RGMB: variants seen among roughly 807,000 people sequenced by gnomAD.
The protein encoded by RGMB is repulsive guidance molecule B.
In RGMB, 16 loss-of-function variants were observed where a neutral mutation model predicts 26.9. The ratio of observed to expected loss-of-function variants is 0.60; its 90% CI spans 0.40 to 0.90. The LOEUF (loss-of-function observed/expected upper bound fraction) is 0.90. Among genes scored for constraint, RGMB ranks in the 40% least tolerant of loss-of-function variants. The pLI is 0.00. For synonymous variants in RGMB, 225 were observed against 229.3 expected, an observed-to-expected ratio of 0.98 and a Z score of 0.17; for missense variants, 512 against 573.3, an observed-to-expected ratio of 0.89 and a Z score of 1.09.
rs1440576873 is a variant in RGMB, at chr5:98,795,033, T to A, written c.*1280T>A. Reference sequence around the variant, plus strand: ...GTACTCTCTCTCTCAACACCTGTAGTTGAATATGATTTGGTCAGTTGCTCG... The same window carrying A: ...GTACTCTCTCTCTCAACACCTGTAGATGAATATGATTTGGTCAGTTGCTCG... On this transcript the variant is annotated 3_prime_UTR_variant, in exon 3 of 3. Coordinates refer to ENST00000513185, the MANE Select transcript of RGMB (RefSeq NM_001366508.1). 6.6e-6 allele frequency: 1 copy of A among 152,204 alleles called. No individual in the cohort carries two copies. Among genetic ancestry groups the A allele is most frequent in the Non-Finnish European group, 1.5e-5 (1 of 68,042 alleles). The allele number at this position is 152,204 out of a possible 1,614,324, so 9.4% of individuals were successfully genotyped here.
chr5:98,791,369 C>T (rs1432400514), intron 2 of RGMB, among the ~76,000 whole-genome samples: 1 of 152,108 alleles, frequency 6.6e-6, no homozygotes, highest in African/African-American at 2.4e-5. Context: ...CTGGAAAATT[C>T]CAGTCAAGTA....
intron 2 of RGMB, among the ~76,000 whole-genome samples, chr5:98,791,088 A>G (rs143267524): frequency 8.2e-4 from 125 of 152,314 alleles, no homozygotes; most frequent in African/African-American, 2.8e-3. Context: ...TCACTCTGAA[A>G]GGTCCTATGG....
chr5:98,778,977 TC>T (rs1334163813), intron 1 of RGMB, among the ~76,000 whole-genome samples: 1 of 152,142 alleles, frequency 6.6e-6, no homozygotes. Flanking sequence ...ATTTACAGTT[TC>T]TTGGTAAACG....
chr5:98,774,390 G>A (rs1746316561), intron 1 of RGMB, among the ~76,000 whole-genome samples, 184 bp downstream of exon 1: 1 of 152,194 alleles, frequency 6.6e-6, no homozygotes, highest in Non-Finnish European at 1.5e-5. Context: ...CACCCACCGG[G>A]CGGCCGCCGG....
At chr5:98,790,111 T>A (rs182160075) in intron 2 of RGMB, among the ~76,000 whole-genome samples, 3 of 152,240 alleles carry the variant, frequency 2.0e-5, no homozygotes, top group Admixed American at 2.0e-4. Context: ...ATGTTGTAAT[T>A]GTTATGAGGA....
intron 2 of RGMB, among the ~76,000 whole-genome samples, chr5:98,789,430 T>G (rs1309492236): frequency 6.6e-6 from 1 of 152,228 alleles, no homozygotes; most frequent in African/African-American, 2.4e-5. Flanking sequence ...GGCGAGGCAG[T>G]ACCTGTGTAT....
intron 2 of RGMB, among the ~76,000 whole-genome samples, chr5:98,792,371 C>A (rs1746956733): frequency 6.6e-6 from 1 of 152,130 alleles, no homozygotes; most frequent in Non-Finnish European, 1.5e-5. Context: ...GAGCCTTTTT[C>A]TTTTCTCAGA....
rs563408298 is a variant in RGMB, at chr5:98,775,578, C to G, written c.136+1372C>G. Among the ~76,000 whole-genome samples the G allele has an allele frequency of 2.6e-5, 4 of 152,268 alleles. No individual in the cohort carries two copies. The East Asian group carries it at 5.8e-4, about 22-fold the overall frequency. On this transcript the variant is annotated intron_variant, in intron 1 of 2. Coordinates refer to ENST00000513185, the MANE Select transcript of RGMB (RefSeq NM_001366508.1). ...TAAGTTTCATGAAATGGAAATTGTG[C>G]TAGGTGGGATTGTGTCCCCCTTGGC...
chr5:98,786,896 T>C (rs929010533), intron 2 of RGMB, among the ~76,000 whole-genome samples: 2 of 152,164 alleles, frequency 1.3e-5, no homozygotes, highest in Non-Finnish European at 2.9e-5. Flanking sequence ...AACTGTTTAC[T>C]TTAAGAGTTG....
At position 98,795,682 on chromosome 5, in the gene RGMB, T is replaced by C. The variant is rs1747097931; in HGVS notation, c.*1929T>C. On this transcript the variant is annotated 3_prime_UTR_variant, in exon 3 of 3. Transcript: ENST00000513185. ...CCATCAGCTCTGAACTGTGGCTTTT[T>C]TTGTTCACCTATGATGCCATGTACC... 6.6e-6 allele frequency: 1 copy of C among 152,248 alleles called. No homozygotes were observed. Among genetic ancestry groups the C allele is most frequent in the Non-Finnish European group, 1.5e-5 (1 of 68,044 alleles). The allele number at this position is 152,248 out of a possible 1,614,324, so 9.4% of individuals were successfully genotyped here.
chr5:98,771,787 G>A (rs1313498290), upstream of RGMB: 1 of 152,130 alleles, frequency 6.6e-6, no homozygotes, highest in Non-Finnish European at 1.5e-5. Flanking sequence ...AGGATATAGG[G>A]GGAGGGGAGT....
chr5:98,793,204 C>A lies in RGMB; in HGVS notation c.765C>A (p.Ala255=), dbSNP rs1580298052. The change falls in exon 3 of 3, where the codon GCC becomes GCA. Residue 255 remains alanine, a synonymous_variant. Coordinates refer to ENST00000513185, the MANE Select transcript of RGMB (RefSeq NM_001366508.1). The part of the protein sequence containing the change: ...DGTTSGGDSD[A]KSLRIVERES... ...CCACCAGTGGTGGGGACAGCGATGC[C>A]AAGAGCCTGCGTATCGTGGAAAGGG... is the stretch of plus-strand genomic sequence containing the variant. The A allele has an allele frequency of 6.2e-7, 1 of 1,614,000 alleles. No homozygotes were observed. Among genetic ancestry groups the A allele is most frequent in the Non-Finnish European group, 8.5e-7 (1 of 1,179,888 alleles).
chr5:98,794,750 A>G lies in RGMB; in HGVS notation c.*997A>G, dbSNP rs1747061358. On this transcript the variant is annotated 3_prime_UTR_variant, in exon 3 of 3. Transcript: ENST00000513185. ...AAGCCCTCCTCAGCCTCACCTTACG[A>G]ATCCAAAGAACTGGGGTTTGTTAGG... The G allele has an allele frequency of 6.6e-6, 1 of 152,154 alleles. No homozygotes were observed. Among genetic ancestry groups the G allele is most frequent in the African/African-American group, 2.4e-5 (1 of 41,428 alleles). The allele number at this position is 152,154 out of a possible 1,614,324, so 9.4% of individuals were successfully genotyped here. A position where few individuals can be genotyped will look rare whatever the true frequency, so the allele number is the denominator to read the frequency against.
At position 98,774,336 on chromosome 5, in the gene RGMB, C is replaced by T. The variant is rs954090216; in HGVS notation, c.136+130C>T. The T allele has an allele frequency of 6.4e-5, 61 of 954,066 alleles. No homozygotes were observed. In the East Asian group the frequency reaches 1.7e-3, roughly 26 times the overall value. The allele number at this position is 954,066 out of a possible 1,614,324, so 59.1% of individuals were successfully genotyped here. ...CGCAACGGGAAAGGCCTCCCGAGCCCCTGACACGCACCTCTGTCGGGCTCC... is the reference window on the plus strand; with the variant it reads ...CGCAACGGGAAAGGCCTCCCGAGCCTCTGACACGCACCTCTGTCGGGCTCC... On this transcript the variant is annotated intron_variant, in intron 1 of 2. Coordinates refer to ENST00000513185, the MANE Select transcript of RGMB (RefSeq NM_001366508.1).
At chr5:98,778,909 GT>G (rs908889921) in intron 1 of RGMB, among the ~76,000 whole-genome samples, 24 of 145,160 alleles carry the variant, frequency 1.7e-4, no homozygotes, top group East Asian at 4.0e-4. Flanking sequence ...AGTGAATCTT[GT>G]TTTTTTTTTT....
Position 98,773,945 on chromosome 5 carries a change from G to C in RGMB, c.-126G>C. On this transcript the variant is annotated 5_prime_UTR_variant, in exon 1 of 3. Transcript: ENST00000513185. Reference sequence around the variant, plus strand: ...TGGTGGCGCCCCATCTGCTACACGGGCCTGAAGAAGGAAGAAGAGGAAGCG... The same window carrying C: ...TGGTGGCGCCCCATCTGCTACACGGCCCTGAAGAAGGAAGAAGAGGAAGCG... 1 of 616,370 alleles carries C rather than the reference G, an allele frequency of 1.6e-6. No individual in the cohort carries two copies. 38.2% of individuals were successfully genotyped at this position (616,370 alleles called of 1,614,324 possible). A position where few individuals can be genotyped will look rare whatever the true frequency, so the allele number is the denominator to read the frequency against.
chr5:98,786,064 A>T (rs942730944), intron 2 of RGMB, among the ~76,000 whole-genome samples: 2 of 152,228 alleles, frequency 1.3e-5, no homozygotes, highest in African/African-American at 4.8e-5. Flanking sequence ...ATTTTGTAAG[A>T]TAAATGAGCT....
At chr5:98,779,468 T>TATAAAATAGA in intron 1 of RGMB, 112 bp from the exon 2 acceptor site, 1 of 1,032,214 alleles carries the variant, frequency 9.7e-7, no homozygotes, top group African/African-American at 1.6e-5. Context: ...AAAATAGGAG[T>TATAAAATAGA]ACAGTGTATA....
At chr5:98,788,786 C>T (rs940736525) in intron 2 of RGMB, among the ~76,000 whole-genome samples, 9 of 152,192 alleles carry the variant, frequency 5.9e-5, no homozygotes, top group African/African-American at 2.2e-4. Context: ...GACTTCGTAA[C>T]ATTTAGAAAA....
Sources: gnomAD v4.1 joint callset for allele counts (sites outside exome capture counted in the v4.1 genomes callset) on GRCh38, gnomAD v4.1.1 for gene constraint, MANE v1.5 for transcripts, NCBI Gene and HGNC (gene_info 2026-07-23, HGNC 2026-07-21) for gene names.